The following DAXX variants were observed in gnomAD, a reference collection of about 807,000 sequenced individuals.
The protein encoded by DAXX is death domain associated protein, also known as death domain-associated protein 6.
A neutral mutation model predicts 61.9 loss-of-function variants in DAXX; 24 were observed. That is an observed-to-expected ratio of 0.39 (90% confidence interval 0.28 to 0.55). The LOEUF (loss-of-function observed/expected upper bound fraction) is 0.55, where lower values mean the gene tolerates loss of function less well. DAXX is among the 20% of genes least tolerant of loss of function. The pLI, the probability that DAXX is intolerant of heterozygous loss-of-function variation, is 0.69. For missense variants in DAXX, 819 were observed against 935.3 expected, an observed-to-expected ratio of 0.88 and a Z score of 1.62; for synonymous variants, 357 against 369.5, an observed-to-expected ratio of 0.97 and a Z score of 0.39.
chr6:33,321,112 T>G lies in DAXX; in HGVS notation c.663A>C (p.Ala221=). The part of the protein sequence containing the change: ...DLSELDDPDS[A]YLQEARLKRK... ...GCTTCAACCGTGCCTCCTGCAGGTA[T>G]GCGGAGTCTGGGTCATCCAATTCTG... Residue 221 remains alanine, a synonymous_variant, in exon 3 of 8, where the codon GCA becomes GCC. Coordinates refer to ENST00000374542, the MANE Select transcript of DAXX (RefSeq NM_001141969.2). This position sits in a 1 kb window ranked among gnomAD's most constrained non-coding sequence, Gnocchi z 7.2. 1 of 1,611,804 alleles carries G rather than the reference T, an allele frequency of 6.2e-7. No homozygotes were observed. Among genetic ancestry groups the G allele is most frequent in the Admixed American group, 1.7e-5 (1 of 60,014 alleles).
In DAXX at chr6:33,319,868, A is replaced by G. The variant is rs768082927; in HGVS notation, c.1466-14T>C. The G allele has an allele frequency of 6.2e-7, 1 of 1,602,910 alleles. No homozygotes were observed. The highest frequency in any genetic ancestry group is 1.7e-5 in the Admixed American group (1 of 58,286). ...CTCCATCTTTACCTGGAAAAGAAGAAAAGGGGAGAGGGTAGCCTGAGAATG... is the reference window on the plus strand; with the variant it reads ...CTCCATCTTTACCTGGAAAAGAAGAGAAGGGGAGAGGGTAGCCTGAGAATG... On this transcript the variant is annotated splice_polypyrimidine_tract_variant and intron_variant, in intron 5 of 7. Coordinates refer to ENST00000374542, the MANE Select transcript of DAXX (RefSeq NM_001141969.2).
In DAXX at chr6:33,320,922, C is replaced by T; in HGVS notation, c.853G>A (p.Asp285Asn). 6.2e-7 allele frequency: 1 copy of T among 1,614,196 alleles called. No individual in the cohort carries two copies. Among genetic ancestry groups the T allele is most frequent in the Non-Finnish European group, 8.5e-7 (1 of 1,180,020 alleles). The stretch of plus-strand genomic sequence containing the variant: ...ACAGCCCGAAGCACATCCCCATAGT[C>T]AGGGAAGGTATCAGGCCCTGGCTTG... ...INKPGPDTFP[D>N]YGDVLRAVEK... The change falls in exon 3 of 8, where the codon GAC becomes AAC. Residue 285 changes from aspartate to asparagine, a missense_variant. Physicochemically the swap from Asp to Asn is conservative, Grantham distance 23. Transcript: ENST00000374542. This position sits in a 1 kb window ranked among gnomAD's most constrained non-coding sequence, Gnocchi z 7.1.
In DAXX at chr6:33,321,467, G is replaced by GC. The variant is rs755028942; in HGVS notation, c.307dup (p.Ala103GlyfsTer9). On this transcript the variant is annotated frameshift_variant, in exon 3 of 8. Transcript: ENST00000374542. LOFTEE classifies it high-confidence loss of function. The surrounding 1 kb of genome is among the most constrained non-coding windows in gnomAD (Gnocchi z 7.2). ...CCTAGAGAGGATGTTGCAGAACTCC[G>GC]CCGAGGCCAAAAACAGAGAGTGGGC... 1 of 1,614,048 alleles carries GC rather than the reference G, an allele frequency of 6.2e-7. No individual in the cohort carries two copies.
Position 33,321,022 on chromosome 6 carries a change from A to T in DAXX, c.753T>A (p.Arg251=), listed in dbSNP as rs1217158543. Residue 251 remains arginine (R), a synonymous_variant, in exon 3 of 8, where the codon CGT becomes CGA. Coordinates refer to ENST00000374542, the MANE Select transcript of DAXX (RefSeq NM_001141969.2). This position sits in a 1 kb window ranked among gnomAD's most constrained non-coding sequence, Gnocchi z 7.2. ...ELKDCSSLTG[R]VIEQRIPYRG... Reference sequence around the variant, plus strand: ...GGTAGGGGATGCGCTGCTCTATGACACGGCCGGTCAGTGAAGAGCAGTCTT... The same window carrying T: ...GGTAGGGGATGCGCTGCTCTATGACTCGGCCGGTCAGTGAAGAGCAGTCTT... The T allele has an allele frequency of 1.9e-5, 30 of 1,613,568 alleles. No individual in the cohort carries two copies. Among genetic ancestry groups the T allele is most frequent in the Non-Finnish European group, 2.5e-5 (30 of 1,179,482 alleles).
chr6:33,320,463 C>T lies in DAXX; in HGVS notation c.1168G>A (p.Glu390Lys), dbSNP rs573854582. 1.9e-6 allele frequency: 3 copies of T among 1,613,596 alleles called. No individual in the cohort carries two copies. The highest frequency in any genetic ancestry group is 2.5e-6 in the Non-Finnish European group (3 of 1,179,554). ...AGCCGAGCTCTTCTCTTTTTTCTCTCGCCCTCCTCACTTTTGTCTTGCAAC... is the reference window on the plus strand; with the variant it reads ...AGCCGAGCTCTTCTCTTTTTTCTCTTGCCCTCCTCACTTTTGTCTTGCAAC... Reference protein sequence around the residue: ...AMLQDKSEEGERKKRRARLQG... With the variant: ...AMLQDKSEEGKRKKRRARLQG... The change falls in exon 4 of 8, where the codon GAG becomes AAG. Residue 390 changes from glutamate to lysine, a missense_variant. Transcript: ENST00000374542. The surrounding 1 kb of genome is among the most constrained non-coding windows in gnomAD (Gnocchi z 7.1).
chr6:33,320,860 G>T lies in DAXX; in HGVS notation c.915C>A (p.Pro305=), dbSNP rs745387146. Residue 305 remains proline (P), a synonymous_variant, in exon 3 of 8, where the codon CCC becomes CCA. Coordinates refer to ENST00000374542, the MANE Select transcript of DAXX (RefSeq NM_001141969.2). The surrounding 1 kb of genome is among the most constrained non-coding windows in gnomAD (Gnocchi z 7.1). ...KAAARHSLGL[P]RQQLQLMAQD... Reference sequence around the variant, plus strand: ...GAGCCATGAGCTGGAGCTGCTGTCGGGGGAGGCCAAGGCTGTGTCGGGCAG... The same window carrying T: ...GAGCCATGAGCTGGAGCTGCTGTCGTGGGAGGCCAAGGCTGTGTCGGGCAG... 5 of 1,614,070 alleles carry T rather than the reference G, an allele frequency of 3.1e-6. No individual in the cohort carries two copies. The highest frequency in any genetic ancestry group is 4.2e-6 in the Non-Finnish European group (5 of 1,180,032).
rs143476335 is a variant in DAXX, at chr6:33,320,415, C to G, written c.1216G>C (p.Ala406Pro). The G allele has an allele frequency of 1.2e-6, 2 of 1,613,634 alleles. No homozygotes were observed. The highest frequency in any genetic ancestry group is 1.7e-6 in the Non-Finnish European group (2 of 1,179,546). Residue 406 changes from alanine (A) to proline (P), a missense_variant, in exon 4 of 8, where the codon GCA (alanine) becomes CCA (proline). Physicochemically the swap from Ala to Pro is conservative, Grantham distance 27. Coordinates refer to ENST00000374542, the MANE Select transcript of DAXX (RefSeq NM_001141969.2). The surrounding 1 kb of genome is among the most constrained non-coding windows in gnomAD (Gnocchi z 7.1). ...ARLQGTSSHS[A>P]DTPEASLDSG... ...TCCAAGGAGGCTTCGGGGGTGTCTG[C>G]AGAGTGGGAAGAGGTGCCTTGGAGC...
Position 33,321,263 on chromosome 6 carries a change from G to C in DAXX, c.512C>G (p.Ala171Gly). The stretch of plus-strand genomic sequence containing the variant: ...TGGAGACTGAGAGGCAGTGTTTTCA[G>C]CATTTGTGGGGTCCAAGGAGAGGTG... ...PTHLSLDPTN[A>G]ENTASQSPRT... Residue 171 changes from alanine (A) to glycine (G), a missense_variant, in exon 3 of 8, where the codon GCT becomes GGT. Physicochemically the swap from Ala to Gly is moderately conservative, Grantham distance 60. Coordinates refer to ENST00000374542, the MANE Select transcript of DAXX (RefSeq NM_001141969.2). The surrounding 1 kb of genome is among the most constrained non-coding windows in gnomAD (Gnocchi z 7.2). 6.2e-6 allele frequency: 10 copies of C among 1,613,412 alleles called. No individual in the cohort carries two copies. The highest frequency in any genetic ancestry group is 8.5e-6 in the Non-Finnish European group (10 of 1,179,326).
chr6:33,320,691 C>G lies in DAXX; in HGVS notation c.1039+45G>C, dbSNP rs773594993. 1.2e-6 allele frequency: 2 copies of G among 1,607,894 alleles called. No individual in the cohort carries two copies. Among genetic ancestry groups the G allele is most frequent in the Non-Finnish European group, 1.7e-6 (2 of 1,175,622 alleles). ...AGAGAGATGCCCCATCCGCCTCATA[C>G]CTGACATATAAGGGTCACTGAGAGG... On this transcript the variant is annotated intron_variant, in intron 3 of 7. Coordinates refer to ENST00000374542, the MANE Select transcript of DAXX (RefSeq NM_001141969.2). The surrounding 1 kb of genome is among the most constrained non-coding windows in gnomAD (Gnocchi z 7.1).
chr6:33,322,780 G>C, intron 1 of DAXX, 82 bp downstream of exon 1: 2 of 616,678 alleles, frequency 3.2e-6, no homozygotes. Context: ...TTTCCCCTCA[G>C]ACTCAGCGCC....
intron 1 of DAXX, chr6:33,322,625 G>A (rs3130018): frequency 0.46 from 140,834 of 305,114 alleles, 35,130 homozygotes; most frequent in South Asian, 0.62. Context: ...AAGTCCCCCC[G>A]CACCGCGCTA....
chr6:33,318,940 G>C (rs1242239537), intron 7 of DAXX, 57 bp downstream of exon 7: 1 of 1,492,192 alleles, frequency 6.7e-7, no homozygotes, highest in African/African-American at 1.4e-5. Context: ...CAGAGCAGCT[G>C]AAACAGCCAA....
Position 33,319,656 on chromosome 6 carries a change from A to T in DAXX, c.1664T>A (p.Leu555Gln). 6.2e-7 allele frequency: 1 copy of T among 1,614,120 alleles called. No homozygotes were observed. Among genetic ancestry groups the T allele is most frequent in the South Asian group, 1.1e-5 (1 of 91,088 alleles). Residue 555 changes from leucine (L) to glutamine (Q), a missense_variant, in exon 6 of 8, where the codon CTG (leucine) becomes CAG (glutamine). Physicochemically the swap from Leu to Gln is moderately radical, Grantham distance 113. Coordinates refer to ENST00000374542, the MANE Select transcript of DAXX (RefSeq NM_001141969.2). The stretch of plus-strand genomic sequence containing the variant: ...CACAGGGCTTTCTTCCTCCAGGGTC[A>T]GCTCCTCAGGCTGTTCTCCATTGCT... ...AESNGEQPEE[L>Q]TLEEESPVSQ... is the part of the protein sequence containing the mutation.
In DAXX at chr6:33,321,231, G is replaced by A. The variant is rs1259384677; in HGVS notation, c.544C>T (p.Arg182Cys). The stretch of plus-strand genomic sequence containing the variant: ...CGCTGGATCTGCCGCCGGGAACCAC[G>A]GGTCCTTGGAGACTGAGAGGCAGTG... ...ENTASQSPRT[R>C]GSRRQIQRLE... Residue 182 changes from arginine to cysteine, a missense_variant, in exon 3 of 8, where the codon CGT (arginine) becomes TGT (cysteine). By Grantham distance (180) the Arg-to-Cys change is radical (BLOSUM62 -3). Coordinates refer to ENST00000374542, the MANE Select transcript of DAXX (RefSeq NM_001141969.2). The surrounding 1 kb of genome is among the most constrained non-coding windows in gnomAD (Gnocchi z 7.2). The A allele has an allele frequency of 1.9e-6, 3 of 1,612,168 alleles. No homozygotes were observed. The highest frequency in any genetic ancestry group is 2.2e-5 in the East Asian group (1 of 44,890).
Position 33,321,484 on chromosome 6 carries a change from A to G in DAXX, c.291T>C (p.Ser97=), listed in dbSNP as rs2150998173. Residue 97 remains serine, a synonymous_variant, in exon 3 of 8, where the codon TCT becomes TCC. Transcript: ENST00000374542. This position sits in a 1 kb window ranked among gnomAD's most constrained non-coding sequence, Gnocchi z 7.2. ...FLYNRQQRAH[S]LFLASAEFCN... ...AGAACTCCGCCGAGGCCAAAAACAG[A>G]GAGTGGGCACGTTGCTGCCGGTTAT... 1 of 1,613,994 alleles carries G rather than the reference A, an allele frequency of 6.2e-7. No homozygotes were observed. Among genetic ancestry groups the G allele is most frequent in the Non-Finnish European group, 8.5e-7 (1 of 1,180,000 alleles).
In DAXX at chr6:33,320,722, C is replaced by T; in HGVS notation, c.1039+14G>A. On this transcript the variant is annotated intron_variant, in intron 3 of 7. Transcript: ENST00000374542. This position sits in a 1 kb window ranked among gnomAD's most constrained non-coding sequence, Gnocchi z 7.1. ...ATATAAGGGTCACTGAGAGGCATCC[C>T]ACCAACCCCCTACCTGGCCTATAGT... 19 of 1,612,194 alleles carry T rather than the reference C, an allele frequency of 1.2e-5. No individual in the cohort carries two copies. The highest frequency in any genetic ancestry group is 1.5e-5 in the Non-Finnish European group (18 of 1,178,338).
chr6:33,320,108 CTCCTCT>C lies in DAXX; in HGVS notation c.1362_1367del (p.Glu456_Glu457del), dbSNP rs1770371547. On this transcript the variant is annotated inframe_deletion, in exon 5 of 8. Transcript: ENST00000374542. This position sits in a 1 kb window ranked among gnomAD's most constrained non-coding sequence, Gnocchi z 7.1. ...CCTCCTCTTCAGAATCTGTGGCCTC[CTCCTCT>C]TCTTCTTCCTCCTCCTCCTCCTCTT... is the stretch of plus-strand genomic sequence containing the variant. 3.1e-6 allele frequency: 5 copies of C among 1,613,956 alleles called. No individual in the cohort carries two copies. The highest frequency in any genetic ancestry group is 4.5e-5 in the East Asian group (2 of 44,900).
intron 1 of DAXX, chr6:33,322,618 T>G: frequency 3.1e-6 from 1 of 319,376 alleles, no homozygotes; most frequent in Admixed American, 4.8e-5. Context: ...TGATCAAAAG[T>G]CCCCCCGCAC....
Position 33,320,194 on chromosome 6 carries a change from G to A in DAXX, c.1282C>T (p.Pro428Ser). The change falls in exon 5 of 8, where the codon CCT becomes TCT. Residue 428 changes from proline to serine, a missense_variant. By Grantham distance (74) the Pro-to-Ser change is moderately conservative. Transcript: ENST00000374542. The surrounding 1 kb of genome is among the most constrained non-coding windows in gnomAD (Gnocchi z 7.1). ...TCTGTCTCAGCTCTGGAGGCAGAAG[G>A]GCACCCCTGGGATGCCATTCCACTA... ...GPSGMASQGC[P>S]SASRAETDDE... 1 of 1,613,292 alleles carries A rather than the reference G, an allele frequency of 6.2e-7. No individual in the cohort carries two copies. The highest frequency in any genetic ancestry group is 8.5e-7 in the Non-Finnish European group (1 of 1,179,350).
Sources: gnomAD v4.1 joint callset for allele counts on GRCh38, gnomAD v4.1.1 for gene constraint, Gnocchi (gnomAD v3.1) non-coding constraint, MANE v1.5 for transcripts, NCBI Gene and HGNC (gene_info 2026-07-23, HGNC 2026-07-21) for gene names.